The following RECQL variants were observed in gnomAD, a reference collection of about 807,000 sequenced individuals.
RECQL encodes ATP-dependent DNA helicase Q1.
In RECQL, 73 loss-of-function variants were observed where a neutral mutation model predicts 75.8. The ratio of observed to expected loss-of-function variants is 0.96; its 90% CI spans 0.80 to 1.17. RECQL has a LOEUF of 1.17. Among genes scored for constraint, RECQL ranks in the 50% most tolerant of loss-of-function variants. The pLI is 0.00. For missense variants in RECQL, 699 were observed against 772.1 expected, an observed-to-expected ratio of 0.91 and a Z score of 1.12; for synonymous variants, 248 against 254.4, an observed-to-expected ratio of 0.97 and a Z score of 0.24.
rs759687826 is a variant in RECQL, at chr12:21,491,617, T to C, written c.116A>G (p.Lys39Arg). 6.2e-7 allele frequency: 1 copy of C among 1,614,090 alleles called. No homozygotes were observed. The highest frequency in any genetic ancestry group is 8.5e-7 in the Non-Finnish European group (1 of 1,179,984). ...TERQQELIQK[K>R]KVLTKKIKQC... ...CTTTATTTTCTTTGTCAGGACTTTT[T>C]TTTTCTGAATAAGCTCTTGTTGCCT... is the stretch of plus-strand genomic sequence containing the variant. Residue 39 changes from lysine to arginine, a missense_variant, in exon 3 of 15, where the codon AAA becomes AGA. Coordinates refer to ENST00000444129, the MANE Select transcript of RECQL (RefSeq NM_002907.4).
rs1027934159 is a variant in RECQL at position 21,499,459 on chromosome 12, T to G, written c.16+96A>C. On this transcript the variant is annotated intron_variant, in intron 2 of 14. Transcript: ENST00000444129. ...TCAATAAAAAAGCTGAAAAAAATCA[T>G]TTCTATAATCAGAATTTTTAAAACA... 3 of 1,174,126 alleles carry G rather than the reference T, an allele frequency of 2.6e-6. No homozygotes were observed. In the African/African-American group the frequency reaches 4.7e-5, roughly 18 times the overall value. The allele number at this position is 1,174,126 out of a possible 1,614,324, so 72.7% of individuals were successfully genotyped here.
At position 21,488,441 on chromosome 12, in the gene RECQL, T is replaced by C. The variant is rs531680435; in HGVS notation, c.394+1758A>G. On this transcript the variant is annotated intron_variant, in intron 4 of 14. Coordinates refer to ENST00000444129, the MANE Select transcript of RECQL (RefSeq NM_002907.4). ...CTGAAATTCATTCCAATGGCTTCAG[T>C]GGCCATCTCCACACTAACAACCCCC... Among the ~76,000 whole-genome samples the C allele has an allele frequency of 4.6e-5, 7 of 152,300 alleles. No individual in the cohort carries two copies. The South Asian group carries it at 6.2e-4, about 14-fold the overall frequency.
intron 5 of RECQL, 93 bp from the exon 6 acceptor site, chr12:21,483,667 G>A (rs1591981741): frequency 1.1e-6 from 1 of 889,998 alleles, no homozygotes. Flanking sequence ...TTTCTCCAAA[G>A]CAATAATAGC....
Position 21,475,490 on chromosome 12 carries a change from A to T in RECQL, c.1194T>A (p.Tyr398Ter), listed in dbSNP as rs890315251. Residue 398 changes from tyrosine (Y) to a stop codon, truncating the protein, a stop_gained, in exon 10 of 15, where the codon TAT becomes TAA. Coordinates refer to ENST00000444129, the MANE Select transcript of RECQL (RefSeq NM_002907.4). LOFTEE classifies it high-confidence loss of function. ...HHSMSKSMEN[Y>*]YQESGRAGRD... is the part of the protein sequence containing the mutation. ...TACCTGCACGTCCACTCTCTTGGTAATAATTTTCCATGGATTTACTCATTG... is the reference window on the plus strand; with the variant it reads ...TACCTGCACGTCCACTCTCTTGGTATTAATTTTCCATGGATTTACTCATTG... 1.2e-6 allele frequency: 2 copies of T among 1,611,226 alleles called. No individual in the cohort carries two copies. The highest frequency in any genetic ancestry group is 2.7e-5 in the African/African-American group (2 of 74,842).
Position 21,487,187 on chromosome 12 carries a change from T to C in RECQL, c.395-602A>G, listed in dbSNP as rs1943321810. Among the ~76,000 whole-genome samples, 3 of 152,202 alleles carry C rather than the reference T, an allele frequency of 2.0e-5. 1 individual carries two copies. In the South Asian group the frequency reaches 6.2e-4, roughly 31 times the overall value. Reference sequence around the variant, plus strand: ...ATTTCAAATGTTTAATTTGCTATCGTTTTAAATAATCACTATTGGTAATTT... The same window carrying C: ...ATTTCAAATGTTTAATTTGCTATCGCTTTAAATAATCACTATTGGTAATTT... On this transcript the variant is annotated intron_variant, in intron 4 of 14. Coordinates refer to ENST00000444129, the MANE Select transcript of RECQL (RefSeq NM_002907.4).
chr12:21,486,657 G>GTTTTTT (rs34776962), intron 4 of RECQL, 72 bp from the exon 5 acceptor site: 1 of 166,128 alleles, frequency 6.0e-6, no homozygotes, highest in African/African-American at 5.0e-5. Context: ...AACCATTCAC[G>GTTTTTT]TTTTTTTTTT....
chr12:21,470,044 G>C lies in RECQL; in HGVS notation c.*150C>G. On this transcript the variant is annotated 3_prime_UTR_variant, in exon 15 of 15. Transcript: ENST00000444129. ...CTCTAATTTTCAAACATTCTCAAAA[G>C]TTTAGATCTTCAGAGATAAGCTCTG... 2 of 745,596 alleles carry C rather than the reference G, an allele frequency of 2.7e-6. No individual in the cohort carries two copies. Among genetic ancestry groups the C allele is most frequent in the Non-Finnish European group, 4.0e-6 (2 of 503,344 alleles). The allele number at this position is 745,596 out of a possible 1,614,324, so 46.2% of individuals were successfully genotyped here. A position where few individuals can be genotyped will look rare whatever the true frequency, so the allele number is the denominator to read the frequency against.
Position 21,471,435 on chromosome 12 carries a change from A to T in RECQL, c.1660T>A (p.Tyr554Asn). The change falls in exon 13 of 15, where the codon TAT (tyrosine) becomes AAT (asparagine). Residue 554 changes from tyrosine (Y) to asparagine (N), a missense_variant. This residue lies in a region of RECQL where 669 missense variants were observed against 713.5 expected (regional missense o/e 0.94). Transcript: ENST00000444129. ...GAATGAGTTTGTACATACTTAAGAT[A>T]CTGCTGTATTAGAAAGTGTGCAATA... The part of the protein sequence containing the change: ...KIIAHFLIQQ[Y>N]LKEDYSFTAY... The T allele has an allele frequency of 1.9e-6, 3 of 1,611,498 alleles. No individual in the cohort carries two copies. The highest frequency in any genetic ancestry group is 2.5e-6 in the Non-Finnish European group (3 of 1,178,256).
chr12:21,483,433 G>C lies in RECQL; in HGVS notation c.643C>G (p.Arg215Gly), dbSNP rs376839517. 3.7e-6 allele frequency: 6 copies of C among 1,606,240 alleles called. No individual in the cohort carries two copies. In the African/African-American group the frequency reaches 8.1e-5, roughly 22 times the overall value. The part of the protein sequence containing the change: ...EKAYEARRFT[R>G]IAVDEVHCCS... ...CAGTGAACTTCATCCACAGCAATTC[G>C]AGTAAATCTCCTTGCTTCATAGGCT... Residue 215 changes from arginine to glycine, a missense_variant, in exon 6 of 15, where the codon CGA becomes GGA. Arg to Gly is a moderately radical substitution (Grantham distance 125). Coordinates refer to ENST00000444129, the MANE Select transcript of RECQL (RefSeq NM_002907.4).
intron 5 of RECQL, 135 bp from the exon 6 acceptor site, chr12:21,483,709 C>A (rs1591981786): frequency 3.1e-6 from 2 of 639,424 alleles, no homozygotes; most frequent in East Asian, 6.2e-5. Context: ...ATGTTTAGTT[C>A]ATTAAAACTG....
At chr12:21,485,956 G>A (rs1355345483) in intron 5 of RECQL, among the ~76,000 whole-genome samples, 1 of 152,108 alleles carries the variant, frequency 6.6e-6, no homozygotes, top group Non-Finnish European at 1.5e-5. Context: ...CAGGTATAGG[G>A]TAACTTCTTA....
chr12:21,474,339 G>A (rs1310968900), intron 11 of RECQL, among the ~76,000 whole-genome samples: 2 of 151,950 alleles, frequency 1.3e-5, no homozygotes, highest in African/African-American at 4.8e-5. Flanking sequence ...CACTTCTTAT[G>A]TGATAGGCAA....
chr12:21,481,759 T>C (rs1943195918), intron 6 of RECQL, among the ~76,000 whole-genome samples: 1 of 152,088 alleles, frequency 6.6e-6, no homozygotes, highest in African/African-American at 2.4e-5. Context: ...TAGGGAACAC[T>C]AATATTTAAA....
intron 2 of RECQL, among the ~76,000 whole-genome samples, chr12:21,495,328 G>A (rs1230142800): frequency 6.6e-6 from 1 of 152,198 alleles, no homozygotes; most frequent in Non-Finnish European, 1.5e-5. Context: ...CAGGCACGGT[G>A]GCTCACGCCT....
chr12:21,470,052 C>G lies in RECQL; in HGVS notation c.*142G>C. 2 of 680,276 alleles carry G rather than the reference C, an allele frequency of 2.9e-6. No homozygotes were observed. Among genetic ancestry groups the G allele is most frequent in the Non-Finnish European group, 4.5e-6 (2 of 442,226 alleles). 42.1% of individuals were successfully genotyped at this position (680,276 alleles called of 1,614,324 possible). On this transcript the variant is annotated 3_prime_UTR_variant, in exon 15 of 15. Coordinates refer to ENST00000444129, the MANE Select transcript of RECQL (RefSeq NM_002907.4). Reference sequence around the variant, plus strand: ...TTCAAACATTCTCAAAAGTTTAGATCTTCAGAGATAAGCTCTGAAAATATA... The same window carrying G: ...TTCAAACATTCTCAAAAGTTTAGATGTTCAGAGATAAGCTCTGAAAATATA...
Position 21,494,424 on chromosome 12 carries a change from G to C in RECQL, c.17-2708C>G, listed in dbSNP as rs533592826. Among the ~76,000 whole-genome samples the C allele has an allele frequency of 7.9e-5, 12 of 152,344 alleles. No individual in the cohort carries two copies. The East Asian group carries it at 2.3e-3, about 29-fold the overall frequency. On this transcript the variant is annotated intron_variant, in intron 2 of 14. Coordinates refer to ENST00000444129, the MANE Select transcript of RECQL (RefSeq NM_002907.4). ...TTTATGGAATACAATGTCGAATTAA[G>C]CTAAGTTTATTGATACGGGCTCACT...
chr12:21,484,927 C>T (rs997688916), intron 5 of RECQL, among the ~76,000 whole-genome samples: 4 of 151,964 alleles, frequency 2.6e-5, no homozygotes, highest in Non-Finnish European at 5.9e-5. Flanking sequence ...AAAAATCAAG[C>T]ATTTTCATCA....
intron 5 of RECQL, among the ~76,000 whole-genome samples, chr12:21,485,572 AG>A (rs1943278333): frequency 6.6e-6 from 1 of 152,114 alleles, no homozygotes; most frequent in Admixed American, 6.5e-5. Flanking sequence ...AAAATGAGAT[AG>A]AAATCTGAAT....
At chr12:21,488,868 A>T (rs1264559482) in intron 4 of RECQL, among the ~76,000 whole-genome samples, 1 of 151,922 alleles carries the variant, frequency 6.6e-6, no homozygotes, top group African/African-American at 2.4e-5. Context: ...TAAAAATAAG[A>T]CTCTTTCCAC....
Sources: allele counts gnomAD v4.1 joint callset (sites outside exome capture counted in the v4.1 genomes callset), GRCh38; gene constraint gnomAD v4.1.1; regional missense constraint gnomAD v4.1.1; transcripts MANE v1.5; gene names NCBI Gene and HGNC (gene_info 2026-07-23, HGNC 2026-07-21).